Variants in HMGB1 observed in about 807,000 individuals in gnomAD.
The protein encoded by HMGB1 is high mobility group box 1, also known as high mobility group protein B1.
For missense variants in HMGB1, 79 were observed against 253.5 expected (o/e 0.31, Z 4.67); for synonymous variants, 81 against 84.0 (o/e 0.96, Z 0.19).
chr13:30,489,924 G>A (rs750600305), intron 1 of HMGB1, among the ~76,000 whole-genome samples: 2 of 150,968 alleles, frequency 1.3e-5, no homozygotes, highest in Non-Finnish European at 3.0e-5. Flanking sequence ...TAGTAGAGAC[G>A]GGGTTTCACC....
intron 1 of HMGB1, among the ~76,000 whole-genome samples, chr13:30,525,423 A>G (rs1426056453): frequency 2.0e-5 from 3 of 152,192 alleles, no homozygotes; most frequent in African/African-American, 7.2e-5. Context: ...AAAGGAAGAG[A>G]TGAAAGAATA....
chr13:30,464,626 C>T (rs1164816204), intron 1 of HMGB1: 1 of 983,948 alleles, frequency 1.0e-6, no homozygotes, highest in Middle Eastern at 5.2e-4. Flanking sequence ...CAGGGAGAAG[C>T]CCCGCTCGAA....
chr13:30,596,714 A>G (rs1871626472), intron 1 of HMGB1, among the ~76,000 whole-genome samples: 1 of 152,200 alleles, frequency 6.6e-6, no homozygotes, highest in Admixed American at 6.5e-5. Context: ...TTCTTTCAGA[A>G]CTGAATACAC....
At chr13:30,484,697 C>G (rs1887319051) in intron 1 of HMGB1, among the ~76,000 whole-genome samples, 1 of 151,052 alleles carries the variant, frequency 6.6e-6, no homozygotes, top group Non-Finnish European at 1.5e-5. Flanking sequence ...TTGTGAGACC[C>G]TGTCTCAAAA....
intron 1 of HMGB1, among the ~76,000 whole-genome samples, chr13:30,499,936 C>T (rs1178332822): frequency 6.6e-6 from 1 of 152,166 alleles, no homozygotes; most frequent in African/African-American, 2.4e-5. Flanking sequence ...ATGTGTCTCC[C>T]CAAAGTTCCT....
intron 1 of HMGB1, chr13:30,464,888 G>T (rs531077976): frequency 0.012 from 1,830 of 147,690 alleles, 16 homozygotes; most frequent in Non-Finnish European, 0.019. Flanking sequence ...ACGGCCGGGG[G>T]AGGGGCGGGG....
At chr13:30,486,929 C>T (rs1008347869) in intron 1 of HMGB1, among the ~76,000 whole-genome samples, 8 of 152,102 alleles carry the variant, frequency 5.3e-5, no homozygotes, top group Non-Finnish European at 1.0e-4. Context: ...GCACCGCATT[C>T]CAAATGTTGG....
At chr13:30,582,328 T>C (rs1472418984) in intron 1 of HMGB1, among the ~76,000 whole-genome samples, 1 of 152,152 alleles carries the variant, frequency 6.6e-6, no homozygotes, top group Non-Finnish European at 1.5e-5. Flanking sequence ...AATTATGATA[T>C]CATTTAGGTG....
intron 1 of HMGB1, among the ~76,000 whole-genome samples, chr13:30,586,479 GTTTTTTTTTTTTTTT>G (rs11315470): frequency 9.5e-6 from 1 of 105,068 alleles, no homozygotes; most frequent in Non-Finnish European, 2.0e-5. Flanking sequence ...GGTTTTTTTT[GTTTTTTTTTTTTTTT>G]TTTTTTTTTT....
At chr13:30,482,462 T>C (rs979744390) in intron 1 of HMGB1, among the ~76,000 whole-genome samples, 2 of 152,220 alleles carry the variant, frequency 1.3e-5, no homozygotes, top group African/African-American at 4.8e-5. Context: ...CACCATCTGC[T>C]AGGATCATAA....
chr13:30,569,474 G>T (rs995171891), intron 1 of HMGB1, among the ~76,000 whole-genome samples: 3 of 152,102 alleles, frequency 2.0e-5, no homozygotes, highest in Non-Finnish European at 4.4e-5. Flanking sequence ...GTATGCATTT[G>T]TATATGCTAG....
chr13:30,466,526 A>G (rs1886792055), upstream of HMGB1, among the ~76,000 whole-genome samples: 1 of 152,128 alleles, frequency 6.6e-6, no homozygotes, highest in Non-Finnish European at 1.5e-5. Context: ...TAAGAAAGTG[A>G]CATGATCCAG....
intron 1 of HMGB1, among the ~76,000 whole-genome samples, chr13:30,523,148 A>G (rs1888277822): frequency 6.6e-6 from 1 of 152,222 alleles, no homozygotes; most frequent in South Asian, 2.1e-4. Flanking sequence ...AGCTCTGCCT[A>G]TCTCCCAGCA....
intron 1 of HMGB1, among the ~76,000 whole-genome samples, chr13:30,514,352 CTTT>C (rs60409517): frequency 7.7e-6 from 1 of 130,424 alleles, no homozygotes. Context: ...CTAGTTCAAT[CTTT>C]TTTTTTTTTT....
intron 1 of HMGB1, among the ~76,000 whole-genome samples, chr13:30,518,881 C>A (rs894777197): frequency 1.3e-5 from 2 of 150,634 alleles, no homozygotes; most frequent in Admixed American, 6.6e-5. Context: ...GCCACCACAC[C>A]CAGCTAATTT....
chr13:30,590,569 T>C (rs888036078), intron 1 of HMGB1, among the ~76,000 whole-genome samples: 1 of 152,220 alleles, frequency 6.6e-6, no homozygotes, highest in Non-Finnish European at 1.5e-5. Context: ...CTGTAAGATG[T>C]AGAAGTCAGA....
chr13:30,543,352 C>T (rs996020569), intron 1 of HMGB1: 1 of 152,540 alleles, frequency 6.6e-6, no homozygotes, highest in Non-Finnish European at 1.5e-5. Flanking sequence ...GTCTCAAACT[C>T]CCAACCTCAG....
chr13:30,578,934 T>C (rs1870782835), intron 1 of HMGB1, among the ~76,000 whole-genome samples: 3 of 152,230 alleles, frequency 2.0e-5, no homozygotes, highest in Non-Finnish European at 2.9e-5. Context: ...ATGAAGCCTT[T>C]CTTAGATATC....
chr13:30,481,287 TAGA>T (rs1229678683), intron 1 of HMGB1, among the ~76,000 whole-genome samples: 2 of 147,430 alleles, frequency 1.4e-5, no homozygotes, highest in Non-Finnish European at 3.0e-5. Flanking sequence ...CAGATGAGAT[TAGA>T]AGAAGATCTG....
Sources: gnomAD v4.1 joint callset for allele counts (sites outside exome capture counted in the v4.1 genomes callset) on GRCh38, gnomAD v4.1.1 for gene constraint, MANE v1.5 for transcripts, NCBI Gene and HGNC (gene_info 2026-07-23, HGNC 2026-07-21) for gene names.